The following NDUFA12 variants were observed in gnomAD, a reference collection of about 807,000 sequenced individuals.
NDUFA12 encodes the protein NADH:ubiquinone oxidoreductase subunit A12, also known as NADH dehydrogenase [ubiquinone] 1 alpha subcomplex subunit 12.
Under a neutral mutation model 20.3 loss-of-function variants are expected in NDUFA12, and 17 were observed. The ratio of observed to expected loss-of-function variants is 0.84; its 90% CI spans 0.57 to 1.26. NDUFA12 has a LOEUF of 1.26. NDUFA12 is among the 50% of genes most tolerant of loss of function. The pLI is 0.00. For missense variants in NDUFA12, 191 were observed against 183.7 expected, an observed-to-expected ratio of 1.04 and a Z score of -0.23; for synonymous variants, 72 against 63.6, an observed-to-expected ratio of 1.13 and a Z score of -0.63.
intron 2 of NDUFA12, among the ~76,000 whole-genome samples, chr12:94,997,922 T>C (rs1592706397): frequency 6.6e-6 from 1 of 152,120 alleles, no homozygotes; most frequent in East Asian, 1.9e-4. Context: ...AAGGGGACAT[T>C]TGGCAATGTC....
chr12:94,984,091 A>C (rs1234908378), intron 3 of NDUFA12, among the ~76,000 whole-genome samples: 1 of 152,086 alleles, frequency 6.6e-6, no homozygotes, highest in African/African-American at 2.4e-5. Context: ...TTAGTTACAC[A>C]CAGTGGAATT....
chr12:94,975,773 G>A (rs1351718580), intron 3 of NDUFA12, among the ~76,000 whole-genome samples: 1 of 152,154 alleles, frequency 6.6e-6, no homozygotes, highest in African/African-American at 2.4e-5. Context: ...TTTTGGCCAG[G>A]TATGGTGCCT....
intron 2 of NDUFA12, among the ~76,000 whole-genome samples, chr12:94,999,666 C>T (rs1418063830): frequency 6.6e-6 from 1 of 152,092 alleles, no homozygotes; most frequent in Non-Finnish European, 1.5e-5. Context: ...GGGCAAAGGA[C>T]ATGAACAGAC....
intron 2 of NDUFA12, among the ~76,000 whole-genome samples, chr12:94,995,287 G>C (rs1262657299): frequency 6.6e-6 from 1 of 152,124 alleles, no homozygotes. Context: ...GCTTCATTTA[G>C]AGAAATAAAT....
rs762458850 is a variant in NDUFA12 at position 94,971,408 on chromosome 12, A to T, written c.*32T>A. The T allele has an allele frequency of 7.5e-6, 12 of 1,597,096 alleles. No individual in the cohort carries two copies. In the Admixed American group the frequency reaches 1.2e-4, roughly 16 times the overall value. On this transcript the variant is annotated 3_prime_UTR_variant, in exon 4 of 4. Transcript: ENST00000327772. The stretch of plus-strand genomic sequence containing the variant: ...AGAGTAATTACATGAAAAGCTCCAT[A>T]TTTTGCATGTTTCAACTGTTCTTCA...
chr12:94,991,053 GTTGGCGAATCAT>G, intron 3 of NDUFA12, among the ~76,000 whole-genome samples: 1 of 152,134 alleles, frequency 6.6e-6, no homozygotes. Context: ...GGAGGCAGAG[GTTGGCGAATCAT>G]TTGAGTCCAG....
intron 3 of NDUFA12, among the ~76,000 whole-genome samples, chr12:94,974,022 A>C (rs2136057625): frequency 7.8e-6 from 1 of 128,214 alleles, no homozygotes; most frequent in East Asian, 2.4e-4. Flanking sequence ...CGCAGGCTGG[A>C]GTGCAGTGGT....
intron 3 of NDUFA12, among the ~76,000 whole-genome samples, chr12:94,981,516 A>G (rs1265817503): frequency 1.3e-5 from 2 of 152,252 alleles, no homozygotes; most frequent in Non-Finnish European, 2.9e-5. Flanking sequence ...ATCAAATTAA[A>G]TATAAATTCC....
chr12:94,976,305 T>C (rs913242384), intron 3 of NDUFA12, among the ~76,000 whole-genome samples: 3 of 152,112 alleles, frequency 2.0e-5, no homozygotes, highest in African/African-American at 7.2e-5. Context: ...TTCAAAAAGC[T>C]CAATTACATT....
intron 3 of NDUFA12, among the ~76,000 whole-genome samples, chr12:94,989,647 A>C (rs1874570646): frequency 6.6e-6 from 1 of 152,218 alleles, no homozygotes; most frequent in South Asian, 2.1e-4. Flanking sequence ...CCACAAAGAA[A>C]TGCAGCTTTG....
At position 94,971,476 on chromosome 12, in the gene NDUFA12, A is replaced by G; in HGVS notation, c.402T>C (p.Ile134=). 6.2e-7 allele frequency: 1 copy of G among 1,614,178 alleles called. No homozygotes were observed. The highest frequency in any genetic ancestry group is 8.5e-7 in the Non-Finnish European group (1 of 1,180,000). ...GTGTTGAAGGTGGGATCCACTCCTG[A>G]ATCTTCTTTCTAGTGGTAGAATAAG... ...YVPYSTTRKK[I]QEWIPPSTPY... Residue 134 remains isoleucine (I), a synonymous_variant, in exon 4 of 4, where the codon ATT becomes ATC. Transcript: ENST00000327772.
chr12:94,979,012 T>C (rs957149170), intron 3 of NDUFA12, among the ~76,000 whole-genome samples: 1 of 152,216 alleles, frequency 6.6e-6, no homozygotes, highest in Non-Finnish European at 1.5e-5. Context: ...AGGTATATGT[T>C]ATTTATAATA....
chr12:94,975,084 G>C (rs1592697624), intron 3 of NDUFA12, among the ~76,000 whole-genome samples: 1 of 152,074 alleles, frequency 6.6e-6, no homozygotes, highest in African/African-American at 2.4e-5. Flanking sequence ...ATGATGTGAT[G>C]ATCACATATT....
intron 3 of NDUFA12, among the ~76,000 whole-genome samples, chr12:94,992,431 C>A (rs1344001471): frequency 6.6e-6 from 1 of 152,176 alleles, no homozygotes; most frequent in African/African-American, 2.4e-5. Context: ...TCGCTTCACC[C>A]AGACAGGTGA....
At position 94,971,640 on chromosome 12, in the gene NDUFA12, C is replaced by A. The variant is rs373893233; in HGVS notation, c.258-20G>T. ...CGATGCCTTAAAGAGGGGAAAAAAC[C>A]CAAACAGTTATGAAGAGGCAGTACA... On this transcript the variant is annotated intron_variant, in intron 3 of 3. Coordinates refer to ENST00000327772, the MANE Select transcript of NDUFA12 (RefSeq NM_018838.5). 8 of 1,613,826 alleles carry A rather than the reference C, an allele frequency of 5.0e-6. No individual in the cohort carries two copies. The East Asian group carries it at 1.3e-4, about 27-fold the overall frequency.
intron 3 of NDUFA12, among the ~76,000 whole-genome samples, chr12:94,973,360 C>G (rs954939630): frequency 3.9e-5 from 6 of 152,118 alleles, no homozygotes; most frequent in African/African-American, 1.4e-4. Flanking sequence ...GTGACCTGGA[C>G]CAATAAACTG....
intron 3 of NDUFA12, among the ~76,000 whole-genome samples, chr12:94,986,325 G>A (rs1292867848): frequency 6.6e-6 from 1 of 151,984 alleles, no homozygotes; most frequent in African/African-American, 2.4e-5. Flanking sequence ...AAGAGGAGAT[G>A]TTGATAAAAG....
chr12:94,994,676 A>G lies in NDUFA12; in HGVS notation c.170-419T>C, dbSNP rs1418281853. On this transcript the variant is annotated intron_variant, in intron 2 of 3. Coordinates refer to ENST00000327772, the MANE Select transcript of NDUFA12 (RefSeq NM_018838.5). ...TCATACTTGAATTCTATGTCTCCACATAAGTATTTTTTTAAAACCACCCTA... is the reference window on the plus strand; with the variant it reads ...TCATACTTGAATTCTATGTCTCCACGTAAGTATTTTTTTAAAACCACCCTA... Among the ~76,000 whole-genome samples the G allele has an allele frequency of 7.2e-5, 11 of 152,384 alleles. No individual in the cohort carries two copies. The South Asian group carries it at 1.2e-3, about 17-fold the overall frequency.
intron 2 of NDUFA12, among the ~76,000 whole-genome samples, chr12:95,002,406 C>T (rs1310510447): frequency 2.4e-5 from 2 of 82,522 alleles, no homozygotes. Context: ...CGCGCTACTG[C>T]ACTCCAGCCT....
Sources: allele counts gnomAD v4.1 joint callset (sites outside exome capture counted in the v4.1 genomes callset), GRCh38; gene constraint gnomAD v4.1.1; transcripts MANE v1.5; gene names NCBI Gene and HGNC (gene_info 2026-07-23, HGNC 2026-07-21).